The following HS3ST4 variants were observed in gnomAD, a reference collection of about 807,000 sequenced individuals.
HS3ST4 encodes heparan sulfate glucosamine 3-O-sulfotransferase 4.
In HS3ST4, 17 loss-of-function variants were observed where a neutral mutation model predicts 29.2. The ratio of observed to expected loss-of-function variants is 0.58; its 90% CI spans 0.40 to 0.87. The LOEUF (loss-of-function observed/expected upper bound fraction) is 0.87. Ranked by LOEUF, HS3ST4 falls within the 40% of genes least tolerant of loss-of-function variation. The pLI is 0.00. For synonymous variants in HS3ST4, 314 were observed against 285.7 expected, an observed-to-expected ratio of 1.10 and a Z score of -1.00; for missense variants, 627 against 634.5, an observed-to-expected ratio of 0.99 and a Z score of 0.13.
chr16:25,724,436 T>C (rs183672968), intron 1 of HS3ST4, among the ~76,000 whole-genome samples: 107 of 151,512 alleles, frequency 7.1e-4, no homozygotes, highest in Middle Eastern at 6.9e-3. Flanking sequence ...CCATCTTGGT[T>C]CACTGCAACC....
At chr16:25,887,691 A>ATTT (rs768447504) in intron 1 of HS3ST4, among the ~76,000 whole-genome samples, 160 of 91,486 alleles carry the variant, frequency 1.7e-3, no homozygotes, top group African/African-American at 3.2e-3. Context: ...GCTACACCTG[A>ATTT]TTTTTTTTTT....
Position 25,873,431 on chromosome 16 carries a change from AATCC to A in HS3ST4, c.734+180294_734+180297del, listed in dbSNP as rs1342939679. 9.6e-5 allele frequency among the ~76,000 whole-genome samples: 5 copies of A among 51,972 alleles called. No individual in the cohort carries two copies. In the East Asian group the frequency reaches 5.0e-3, roughly 52 times the overall value. The allele number at this position is 51,972 out of a possible 152,430, so 34.1% of individuals were successfully genotyped here. ...CCATCCATCCACCCATCCATCCATT[AATCC>A]ATCCATCCATCCACCCATCCATTTA... On this transcript the variant is annotated intron_variant, in intron 1 of 1. Coordinates refer to ENST00000331351, the MANE Select transcript of HS3ST4 (RefSeq NM_006040.3).
chr16:25,735,796 A>G (rs550309662), intron 1 of HS3ST4, among the ~76,000 whole-genome samples: 1 of 152,328 alleles, frequency 6.6e-6, no homozygotes, highest in East Asian at 1.9e-4. Context: ...GCCCAGATTC[A>G]GTTACATACT....
At chr16:25,870,480 T>C (rs1018170147) in intron 1 of HS3ST4, among the ~76,000 whole-genome samples, 1 of 152,074 alleles carries the variant, frequency 6.6e-6, no homozygotes, top group Non-Finnish European at 1.5e-5. Flanking sequence ...TAGTTGTCCT[T>C]AGGAAAAACT....
intron 1 of HS3ST4, among the ~76,000 whole-genome samples, chr16:25,755,587 G>C (rs1441066529): frequency 6.6e-6 from 1 of 152,150 alleles, no homozygotes; most frequent in Non-Finnish European, 1.5e-5. Context: ...GTAGCCTTTT[G>C]GCTTGCAGGT....
intron 1 of HS3ST4, among the ~76,000 whole-genome samples, chr16:25,995,892 C>T (rs111474710): frequency 4.6e-5 from 7 of 151,734 alleles, no homozygotes; most frequent in Non-Finnish European, 1.0e-4. Context: ...TTCTCTGATG[C>T]TTTCACTTCC....
chr16:25,987,084 C>A (rs1969071446), intron 1 of HS3ST4, among the ~76,000 whole-genome samples: 1 of 152,248 alleles, frequency 6.6e-6, no homozygotes, highest in Non-Finnish European at 1.5e-5. Context: ...GGCTCTGTGG[C>A]TCACGCCTGT....
At chr16:26,113,380 A>G (rs1899159668) in intron 1 of HS3ST4, among the ~76,000 whole-genome samples, 1 of 150,162 alleles carries the variant, frequency 6.7e-6, no homozygotes, top group Admixed American at 6.7e-5. Flanking sequence ...CGGGGGGTAG[A>G]GGTTGCAGTG....
At chr16:25,747,041 T>C (rs1390397185) in intron 1 of HS3ST4, among the ~76,000 whole-genome samples, 1 of 152,044 alleles carries the variant, frequency 6.6e-6, no homozygotes, top group Non-Finnish European at 1.5e-5. Context: ...TAATTTTCTG[T>C]AGAGATGGAA....
intron 1 of HS3ST4, among the ~76,000 whole-genome samples, chr16:25,713,562 A>G (rs1966431498): frequency 6.8e-6 from 1 of 146,104 alleles, no homozygotes; most frequent in Non-Finnish European, 1.5e-5. Flanking sequence ...ACAAACAAAC[A>G]TCCTGTCTCC....
chr16:25,811,942 A>G (rs556507993), intron 1 of HS3ST4, among the ~76,000 whole-genome samples: 6 of 152,250 alleles, frequency 3.9e-5, no homozygotes, highest in Non-Finnish European at 7.4e-5. Flanking sequence ...ATGTTGTTCA[A>G]GGGTCAACAA....
rs542459108 is a variant in HS3ST4 at position 26,113,490 on chromosome 16, G to C, written c.735-22122G>C. Among the ~76,000 whole-genome samples, 26 of 151,148 alleles carry C rather than the reference G, an allele frequency of 1.7e-4. No individual in the cohort carries two copies. In the South Asian group the frequency reaches 5.3e-3, roughly 31 times the overall value. ...ATATGATGTGTGTGTGTGTGTGTGT[G>C]TGTGTGTGTGTGTGTGTGTATGCAA... is the stretch of plus-strand genomic sequence containing the variant. On this transcript the variant is annotated intron_variant, in intron 1 of 1. Transcript: ENST00000331351.
At chr16:26,081,921 G>A (rs960397714) in intron 1 of HS3ST4, among the ~76,000 whole-genome samples, 68 of 149,058 alleles carry the variant, frequency 4.6e-4, no homozygotes, top group African/African-American at 1.6e-3. Context: ...TCAGCCTCCC[G>A]AGTAGCTGGA....
chr16:25,975,939 C>T (rs1968939279), intron 1 of HS3ST4, among the ~76,000 whole-genome samples: 1 of 152,140 alleles, frequency 6.6e-6, no homozygotes, highest in South Asian at 2.1e-4. Context: ...CTGGGATGCA[C>T]AGAAACATGG....
chr16:25,923,534 TTTTG>T (rs1968375015), intron 1 of HS3ST4, among the ~76,000 whole-genome samples: 1 of 152,208 alleles, frequency 6.6e-6, no homozygotes. Flanking sequence ...AATTAGCTTT[TTTTG>T]TTTGTTTGTT....
intron 1 of HS3ST4, among the ~76,000 whole-genome samples, chr16:25,828,196 T>C (rs968723331): frequency 6.0e-5 from 9 of 149,348 alleles, no homozygotes; most frequent in African/African-American, 2.2e-4. Context: ...TTCTTTCTTT[T>C]CTTTCTTTCT....
intron 1 of HS3ST4, among the ~76,000 whole-genome samples, chr16:25,869,394 C>T (rs1007690537): frequency 6.6e-6 from 1 of 152,152 alleles, no homozygotes; most frequent in African/African-American, 2.4e-5. Flanking sequence ...CAGACTGGTG[C>T]TGAAGGAAGA....
At chr16:25,726,607 C>T (rs1399398179) in intron 1 of HS3ST4, among the ~76,000 whole-genome samples, 2 of 140,958 alleles carry the variant, frequency 1.4e-5, no homozygotes, top group Non-Finnish European at 3.1e-5. Flanking sequence ...AATATTTACA[C>T]TCTTGCCAGC....
chr16:25,731,741 G>A (rs867765124), intron 1 of HS3ST4, among the ~76,000 whole-genome samples: 1 of 152,140 alleles, frequency 6.6e-6, no homozygotes, highest in Non-Finnish European at 1.5e-5. Context: ...TGGAGGGTTT[G>A]GACATCCTTA....
Sources: gnomAD v4.1 joint callset for allele counts (sites outside exome capture counted in the v4.1 genomes callset) on GRCh38, gnomAD v4.1.1 for gene constraint, MANE v1.5 for transcripts, NCBI Gene and HGNC (gene_info 2026-07-23, HGNC 2026-07-21) for gene names.